The following PEX7 variants were observed in gnomAD, a reference collection of about 807,000 sequenced individuals.
PEX7 encodes peroxisomal biogenesis factor 7.
A neutral mutation model predicts 47.5 loss-of-function variants in PEX7; 34 were observed. That is an observed-to-expected ratio of 0.72 (90% CI 0.54 to 0.95). The LOEUF is 0.95. Among genes scored for constraint, PEX7 ranks in the 40% least tolerant of loss-of-function variants. The pLI is 0.00. For missense variants in PEX7, 394 were observed against 400.3 expected (o/e 0.98, Z 0.13); for synonymous variants, 141 against 148.8 (o/e 0.95, Z 0.38).
At chr6:136,866,855 C>A in intron 6 of PEX7, 122 bp downstream of exon 6, 1 of 821,830 alleles carries the variant, frequency 1.2e-6, no homozygotes, top group South Asian at 1.5e-5. Context: ...TAAATTCTGT[C>A]CCTTTCCTTT....
At chr6:136,891,651 CTTTTT>C (rs56658273) in intron 8 of PEX7, among the ~76,000 whole-genome samples, 1 of 140,622 alleles carries the variant, frequency 7.1e-6, no homozygotes, top group African/African-American at 2.6e-5. Flanking sequence ...TTCAACAGCC[CTTTTT>C]TTTTTTTTTT....
At chr6:136,848,562 G>A (rs1030678386) in intron 5 of PEX7, among the ~76,000 whole-genome samples, 3 of 152,158 alleles carry the variant, frequency 2.0e-5, no homozygotes, top group Admixed American at 6.6e-5. Context: ...AGCACGAAGG[G>A]CTGTTCAATT....
intron 3 of PEX7, among the ~76,000 whole-genome samples, chr6:136,839,151 C>G (rs936658705): frequency 2.6e-5 from 4 of 151,932 alleles, no homozygotes; most frequent in Non-Finnish European, 4.4e-5. Flanking sequence ...TGGCACTGCA[C>G]TCCAGCCTGG....
At chr6:136,848,683 C>T (rs1433784151) in intron 5 of PEX7, among the ~76,000 whole-genome samples, 3 of 152,132 alleles carry the variant, frequency 2.0e-5, no homozygotes, top group South Asian at 2.1e-4. Context: ...ACCAGCCTTG[C>T]ATCCCAGGGA....
intron 9 of PEX7, among the ~76,000 whole-genome samples, chr6:136,898,818 T>G (rs934142091): frequency 1.3e-5 from 2 of 152,050 alleles, no homozygotes; most frequent in Non-Finnish European, 2.9e-5. Context: ...GTTTTTTTTT[T>G]TAAAAAAGCC....
intron 8 of PEX7, among the ~76,000 whole-genome samples, chr6:136,883,618 T>A (rs540145135): frequency 1.3e-5 from 2 of 152,318 alleles, no homozygotes; most frequent in African/African-American, 4.8e-5. Context: ...GGTTTAGAAC[T>A]TTTTTTACAT....
At chr6:136,885,130 A>G (rs1775447211) in intron 8 of PEX7, among the ~76,000 whole-genome samples, 1 of 152,158 alleles carries the variant, frequency 6.6e-6, no homozygotes. Flanking sequence ...ATGTATGACA[A>G]CCAAACAAAA....
intron 3 of PEX7, chr6:136,830,013 C>G: frequency 5.6e-6 from 4 of 709,796 alleles, no homozygotes; most frequent in Non-Finnish European, 7.8e-6. Context: ...CCAGTATGTT[C>G]AGGGAAGCTG....
chr6:136,912,227 G>A (rs1411207100), intron 9 of PEX7, among the ~76,000 whole-genome samples: 1 of 151,578 alleles, frequency 6.6e-6, no homozygotes, highest in Non-Finnish European at 1.5e-5. Context: ...ATGAGCAAAA[G>A]TTTTATTTTT....
chr6:136,855,376 G>C (rs923544488), intron 5 of PEX7, among the ~76,000 whole-genome samples: 3 of 132,084 alleles, frequency 2.3e-5, no homozygotes, highest in African/African-American at 9.0e-5. Flanking sequence ...CGGAGTCTCT[G>C]TCCCCCAGGC....
chr6:136,863,065 A>T (rs911910234), intron 5 of PEX7, among the ~76,000 whole-genome samples: 10 of 152,186 alleles, frequency 6.6e-5, no homozygotes, highest in African/African-American at 2.4e-4. Flanking sequence ...CAGTGATTAT[A>T]ATGAGGGCCG....
At chr6:136,875,192 T>C (rs1775249695) in intron 8 of PEX7, among the ~76,000 whole-genome samples, 1 of 152,084 alleles carries the variant, frequency 6.6e-6, no homozygotes, top group Non-Finnish European at 1.5e-5. Context: ...CTTTTATTTT[T>C]ATTATTTCCT....
At chr6:136,892,207 G>A (rs1372656667) in intron 8 of PEX7, among the ~76,000 whole-genome samples, 1 of 152,148 alleles carries the variant, frequency 6.6e-6, no homozygotes, top group Non-Finnish European at 1.5e-5. Flanking sequence ...GATTTTTATT[G>A]TAAGTGGCTG....
At chr6:136,854,995 G>A (rs1774832983) in intron 5 of PEX7, among the ~76,000 whole-genome samples, 1 of 152,086 alleles carries the variant, frequency 6.6e-6, no homozygotes, top group East Asian at 1.9e-4. Flanking sequence ...GGCTGAGGCA[G>A]GAGAATCACT....
At chr6:136,875,597 C>A (rs1173012857) in intron 8 of PEX7, among the ~76,000 whole-genome samples, 1 of 152,138 alleles carries the variant, frequency 6.6e-6, no homozygotes, top group Non-Finnish European at 1.5e-5. Context: ...GTGAATGTTT[C>A]ATTTGCAGTT....
At position 136,900,572 on chromosome 6, in the gene PEX7, T is replaced by C; in HGVS notation, c.903+2331T>C. 2.5e-6 allele frequency: 1 copy of C among 404,854 alleles called. No homozygotes were observed. The highest frequency in any genetic ancestry group is 4.9e-6 in the Non-Finnish European group (1 of 205,468). The allele number at this position is 404,854 out of a possible 1,614,324, so 25.1% of individuals were successfully genotyped here. A position where few individuals can be genotyped will look rare whatever the true frequency, so the allele number is the denominator to read the frequency against. On this transcript the variant is annotated intron_variant, in intron 9 of 9. Coordinates refer to ENST00000318471, the MANE Select transcript of PEX7 (RefSeq NM_000288.4). This position sits in a 1 kb window ranked among gnomAD's most constrained non-coding sequence, Gnocchi z 4.2. ...TCTTCCGAGTTAATCTGTGTGAAGGTGATGGTGGTGTGGGTCATCCTGTGA... is the reference window on the plus strand; with the variant it reads ...TCTTCCGAGTTAATCTGTGTGAAGGCGATGGTGGTGTGGGTCATCCTGTGA...
intron 5 of PEX7, among the ~76,000 whole-genome samples, chr6:136,853,686 T>A (rs530797609): frequency 6.6e-6 from 1 of 152,248 alleles, no homozygotes; most frequent in South Asian, 2.1e-4. Flanking sequence ...GACAAGTATA[T>A]CCATTTAGAT....
At chr6:136,823,190 C>G (rs1774117059) in intron 1 of PEX7, 2 of 985,252 alleles carry the variant, frequency 2.0e-6, no homozygotes, top group African/African-American at 3.5e-5. Context: ...GAGCCAGAAC[C>G]GACCCAGGGC....
intron 1 of PEX7, 56 bp from the exon 2 acceptor site, chr6:136,825,158 T>G (rs1774164259): frequency 2.8e-6 from 4 of 1,432,170 alleles, no homozygotes; most frequent in Non-Finnish European, 3.9e-6. Context: ...ACTCCTTGAC[T>G]TTCGATGTTA....
Sources: gnomAD v4.1 joint callset for allele counts (sites outside exome capture counted in the v4.1 genomes callset) on GRCh38, gnomAD v4.1.1 for gene constraint, Gnocchi (gnomAD v3.1) non-coding constraint, MANE v1.5 for transcripts, NCBI Gene and HGNC (gene_info 2026-07-23, HGNC 2026-07-21) for gene names.